KDM6A: variants seen among roughly 807,000 people sequenced by gnomAD.
The protein encoded by KDM6A is lysine-specific demethylase 6A.
A neutral mutation model predicts 117.6 loss-of-function variants in KDM6A; 11 were observed. That is an observed-to-expected ratio of 0.09 (90% CI 0.06 to 0.15). The LOEUF (loss-of-function observed/expected upper bound fraction) is 0.15, where lower values mean the gene tolerates loss of function less well. Among genes scored for constraint, KDM6A ranks in the 10% least tolerant of loss-of-function variants. The pLI is 1.00. For missense variants in KDM6A, 799 were observed against 1,077.3 expected (o/e 0.74, Z 3.62); for synonymous variants, 384 against 396.1 (o/e 0.97, Z 0.36).
chrX:45,094,015 C>T (rs2046001939), intron 27 of KDM6A, among the ~76,000 whole-genome samples: 1 of 111,504 alleles, frequency 9.0e-6, no homozygotes, highest in South Asian at 3.8e-4. Flanking sequence ...AGCTTGAGTA[C>T]CTATTGACAC....
intron 8 of KDM6A, among the ~76,000 whole-genome samples, chrX:45,044,000 A>C (rs746485721): frequency 6.3e-5 from 7 of 111,616 alleles, no homozygotes; most frequent in African/African-American, 1.3e-4. Context: ...TTAGATATTT[A>C]CCATTGTATT....
At chrX:44,968,695 GCA>G (rs1371180188) in intron 3 of KDM6A, among the ~76,000 whole-genome samples, 1 of 112,201 alleles carries the variant, frequency 8.9e-6, no homozygotes, top group East Asian at 2.8e-4. Flanking sequence ...TAGCAGCTGG[GCA>G]CAGTGGCTCA....
intron 27 of KDM6A, among the ~76,000 whole-genome samples, chrX:45,104,068 A>G (rs1603043278): frequency 1.0e-5 from 1 of 99,686 alleles, no homozygotes; most frequent in Middle Eastern, 5.4e-3. Context: ...CTTGTTGCCC[A>G]GGCTGGAGTG....
chrX:45,026,144 C>T (rs1257798818), intron 6 of KDM6A, among the ~76,000 whole-genome samples: 2 of 112,274 alleles, frequency 1.8e-5, no homozygotes, highest in Non-Finnish European at 3.8e-5. Flanking sequence ...TTTTATTCAT[C>T]ATCACTTAAC....
chrX:45,066,016 C>T (rs1293466858), intron 17 of KDM6A, among the ~76,000 whole-genome samples: 2 of 111,604 alleles, frequency 1.8e-5, no homozygotes, highest in Admixed American at 1.9e-4. Flanking sequence ...ATTTACCCCA[C>T]GACCTGTGTT....
chrX:45,103,980 C>T (rs1439540156), intron 27 of KDM6A, among the ~76,000 whole-genome samples: 3 of 111,394 alleles, frequency 2.7e-5, no homozygotes, highest in Non-Finnish European at 1.9e-5. Flanking sequence ...TGTGTTTACA[C>T]CTTTTGCAAA....
At chrX:45,048,519 ACT>A (rs903940949) in intron 8 of KDM6A, among the ~76,000 whole-genome samples, 2 of 109,801 alleles carry the variant, frequency 1.8e-5, no homozygotes, top group South Asian at 7.7e-4. Flanking sequence ...TGGTGTTTCC[ACT>A]CTCTGTCTCC....
chrX:45,097,593 G>A (rs1227856583), intron 27 of KDM6A, among the ~76,000 whole-genome samples: 3 of 111,071 alleles, frequency 2.7e-5, no homozygotes, highest in South Asian at 7.5e-4. Context: ...TTATAATAAG[G>A]GATTATGAAC....
At chrX:44,990,102 G>A (rs181853416) in intron 4 of KDM6A, among the ~76,000 whole-genome samples, 3 of 112,210 alleles carry the variant, frequency 2.7e-5, no homozygotes, top group Admixed American at 9.5e-5. Context: ...TCATAAATGC[G>A]TTTGCAACAG....
chrX:45,005,486 T>C (rs1447466816), intron 4 of KDM6A, among the ~76,000 whole-genome samples: 4 of 111,685 alleles, frequency 3.6e-5, no homozygotes, highest in Non-Finnish European at 5.6e-5. Context: ...CACTCGACTT[T>C]TATCATTAAC....
intron 2 of KDM6A, among the ~76,000 whole-genome samples, chrX:44,876,493 C>G (rs771983332): frequency 9.0e-4 from 99 of 109,811 alleles, no homozygotes; most frequent in African/African-American, 2.9e-3. Flanking sequence ...TTCTTATTCC[C>G]TGAAAGTCTT....
intron 4 of KDM6A, among the ~76,000 whole-genome samples, chrX:44,978,291 T>C (rs1310266731): frequency 5.3e-5 from 6 of 112,734 alleles, no homozygotes; most frequent in Non-Finnish European, 1.1e-4. Flanking sequence ...CCCAAAGATA[T>C]ATTTTTTAAA....
Position 45,059,229 on chromosome X carries a change from C to A in KDM6A, c.975-18C>A, listed in dbSNP as rs1361135215. 1.7e-6 allele frequency: 2 copies of A among 1,203,089 alleles called. No homozygotes were observed. Among genetic ancestry groups the A allele is most frequent in the Middle Eastern group, 4.6e-4 (2 of 4,340 alleles). On this transcript the variant is annotated intron_variant, in intron 11 of 29. Transcript: ENST00000611820. ...GTTCTTCTGAGTTGACTTATTTTTTCTTAATTTCTCTTTCCAGTGTGCTAT... is the reference window on the plus strand; with the variant it reads ...GTTCTTCTGAGTTGACTTATTTTTTATTAATTTCTCTTTCCAGTGTGCTAT...
At chrX:45,041,374 G>A (rs755165625) in intron 8 of KDM6A, among the ~76,000 whole-genome samples, 1 of 99,250 alleles carries the variant, frequency 1.0e-5, no homozygotes, top group Non-Finnish European at 2.1e-5. Flanking sequence ...CAGTAGGGGC[G>A]GCCGGGCAGA....
chrX:44,917,966 T>C (rs1487569822), intron 2 of KDM6A, among the ~76,000 whole-genome samples: 1 of 112,030 alleles, frequency 8.9e-6, no homozygotes, highest in Non-Finnish European at 1.9e-5. Context: ...AAGTTAAAGA[T>C]ATTAAAGTGT....
chrX:45,041,394 C>G (rs1219782785), intron 8 of KDM6A, among the ~76,000 whole-genome samples: 4 of 100,684 alleles, frequency 4.0e-5, no homozygotes, highest in African/African-American at 1.5e-4. Context: ...AGGAGCCCCT[C>G]ACCTCCCGGA....
chrX:44,934,268 T>C (rs1394055781), intron 2 of KDM6A, among the ~76,000 whole-genome samples: 1 of 112,187 alleles, frequency 8.9e-6, no homozygotes, highest in East Asian at 2.8e-4. Flanking sequence ...CACTATTGAC[T>C]AGTGTCGAGC....
intron 27 of KDM6A, among the ~76,000 whole-genome samples, chrX:45,091,221 A>G (rs1322041368): frequency 9.0e-6 from 1 of 111,564 alleles, no homozygotes; most frequent in African/African-American, 3.3e-5. Context: ...GTCACAGACA[A>G]ATTAGCAGTT....
chrX:45,096,513 C>G (rs1322939195), intron 27 of KDM6A, among the ~76,000 whole-genome samples: 1 of 111,746 alleles, frequency 8.9e-6, no homozygotes, highest in Non-Finnish European at 1.9e-5. Flanking sequence ...GGTGGGGCAG[C>G]ATAGAGGAAG....
Sources: gnomAD v4.1 joint callset for allele counts (sites outside exome capture counted in the v4.1 genomes callset) on GRCh38, gnomAD v4.1.1 for gene constraint, MANE v1.5 for transcripts, NCBI Gene and HGNC (gene_info 2026-07-23, HGNC 2026-07-21) for gene names.